BNC2: variants seen among roughly 807,000 people sequenced by gnomAD.
BNC2 encodes zinc finger protein basonuclin-2.
In BNC2, 20 loss-of-function variants were observed where a neutral mutation model predicts 76.3. That is an observed-to-expected ratio of 0.26 (90% CI 0.18 to 0.38). BNC2 has a LOEUF of 0.38. Among genes scored for constraint, BNC2 ranks in the 10% least tolerant of loss-of-function variants. BNC2 has a pLI of 1.00. For synonymous variants in BNC2, 582 were observed against 514.8 expected (o/e 1.13, Z -1.77); for missense variants, 1,382 against 1,399.8 (o/e 0.99, Z 0.20).
In BNC2 at chr9:16,617,124, G is replaced by A. The variant is rs149597917; in HGVS notation, c.331-34039C>T. ...TTGAGAACACAGAAATTGATATGGG[G>A]TCATGATCATCATCGATAAACGTAA... On this transcript the variant is annotated intron_variant, in intron 3 of 6. Transcript: ENST00000380672. 2.1e-3 allele frequency among the ~76,000 whole-genome samples: 318 copies of A among 152,200 alleles called. 2 individuals are homozygous for A. Among genetic ancestry groups the A allele is most frequent in the African/African-American group, 7.3e-3 (305 of 41,544 alleles).
intron 3 of BNC2, among the ~76,000 whole-genome samples, chr9:16,615,399 C>G (rs140594352): frequency 2.0e-5 from 3 of 152,254 alleles, no homozygotes; most frequent in African/African-American, 7.2e-5. Context: ...TGCAAGGACT[C>G]TCTGACATTT....
At chr9:16,870,587 C>CG (rs965834273) in intron 1 of BNC2, 59 bp downstream of exon 1, 2 of 1,595,924 alleles carry the variant, frequency 1.3e-6, no homozygotes, top group Non-Finnish European at 1.7e-6. Flanking sequence ...CGCTCGGGCG[C>CG]GGGGGTCATT....
At chr9:16,833,626 G>A (rs1301191007) in intron 1 of BNC2, among the ~76,000 whole-genome samples, 2 of 152,150 alleles carry the variant, frequency 1.3e-5, no homozygotes, top group African/African-American at 4.8e-5. Context: ...CACATGCTGG[G>A]AATTGCTGGT....
At chr9:16,654,317 A>G (rs140588703) in intron 3 of BNC2, among the ~76,000 whole-genome samples, 51 of 152,338 alleles carry the variant, frequency 3.3e-4, no homozygotes, top group African/African-American at 7.9e-4. Context: ...AGGGCATAAC[A>G]TAAGCATTAT....
chr9:16,478,952 GAA>G (rs758661523), intron 5 of BNC2, among the ~76,000 whole-genome samples: 3 of 152,086 alleles, frequency 2.0e-5, no homozygotes, highest in Non-Finnish European at 4.4e-5. Context: ...CTCCAAAAAA[GAA>G]AAACTTGGTG....
chr9:16,594,932 T>C (rs556825346), intron 3 of BNC2, among the ~76,000 whole-genome samples: 1 of 152,202 alleles, frequency 6.6e-6, no homozygotes, highest in South Asian at 2.1e-4. Flanking sequence ...AAATAGGAGA[T>C]GTGAACAAAA....
chr9:16,689,163 CAAAAAA>C (rs58620248), intron 3 of BNC2, among the ~76,000 whole-genome samples: 4 of 50,494 alleles, frequency 7.9e-5, no homozygotes, highest in East Asian at 6.0e-4. Flanking sequence ...ACTGAGATCA[CAAAAAA>C]AAAAAAAAAA....
At chr9:16,870,625 A>C in intron 1 of BNC2, 21 bp downstream of exon 1, 1 of 1,610,436 alleles carries the variant, frequency 6.2e-7, no homozygotes, top group Non-Finnish European at 8.5e-7. Context: ...TAAAAGAGGA[A>C]GGAGGGTGGA....
At chr9:16,690,801 T>C (rs1823136188) in intron 3 of BNC2, among the ~76,000 whole-genome samples, 1 of 152,116 alleles carries the variant, frequency 6.6e-6, no homozygotes, top group Non-Finnish European at 1.5e-5. Flanking sequence ...AATCAGTATG[T>C]GATTCTGTTA....
At chr9:16,474,281 T>C (rs1298993541) in intron 5 of BNC2, among the ~76,000 whole-genome samples, 1 of 152,196 alleles carries the variant, frequency 6.6e-6, no homozygotes, top group Non-Finnish European at 1.5e-5. Flanking sequence ...TCACTATATG[T>C]TGTTTTTTAA....
intron 2 of BNC2, among the ~76,000 whole-genome samples, chr9:16,731,101 A>C (rs1374568191): frequency 6.6e-6 from 1 of 152,238 alleles, no homozygotes; most frequent in African/African-American, 2.4e-5. Context: ...GTATCGTTTT[A>C]CAGACACAGG....
At chr9:16,482,416 T>A (rs1181182138) in intron 5 of BNC2, among the ~76,000 whole-genome samples, 1 of 151,730 alleles carries the variant, frequency 6.6e-6, no homozygotes, top group East Asian at 1.9e-4. Context: ...TTTAAAAAAA[T>A]GCTATAAATA....
intron 5 of BNC2, among the ~76,000 whole-genome samples, chr9:16,469,331 G>T (rs1821768349): frequency 6.6e-6 from 1 of 152,168 alleles, no homozygotes; most frequent in African/African-American, 2.4e-5. Flanking sequence ...AATCATGGGG[G>T]CTGGTCTTTC....
chr9:16,793,854 G>GGTTT (rs1563946166), intron 1 of BNC2, among the ~76,000 whole-genome samples: 2 of 85,588 alleles, frequency 2.3e-5, no homozygotes, highest in African/African-American at 6.4e-5. Context: ...GTTTTTTGTG[G>GGTTT]TTTTTGTTTT....
chr9:16,753,279 T>C (rs150394357), intron 1 of BNC2, among the ~76,000 whole-genome samples: 173 of 152,350 alleles, frequency 1.1e-3, no homozygotes, highest in African/African-American at 4.1e-3. Context: ...ATAAATTTGA[T>C]TTACAAATTC....
Position 16,435,818 on chromosome 9 carries a change from T to A in BNC2, c.2376A>T (p.Gly792=). ...TYDMFYMSQY[G]LYNGGGASMA... is the part of the protein sequence containing the mutation. Reference sequence around the variant, plus strand: ...TGCTGGCACCCCCACCATTGTACAGTCCATACTGGCTCATGTAAAACATGT... The same window carrying A: ...TGCTGGCACCCCCACCATTGTACAGACCATACTGGCTCATGTAAAACATGT... The change falls in exon 6 of 7, where the codon GGA becomes GGT. Residue 792 remains glycine, a synonymous_variant. Transcript: ENST00000380672. 1 of 1,614,162 alleles carries A rather than the reference T, an allele frequency of 6.2e-7. No homozygotes were observed. Among genetic ancestry groups the A allele is most frequent in the Non-Finnish European group, 8.5e-7 (1 of 1,180,022 alleles).
At chr9:16,701,075 G>A (rs1022391724) in intron 3 of BNC2, among the ~76,000 whole-genome samples, 6 of 152,148 alleles carry the variant, frequency 3.9e-5, no homozygotes, top group African/African-American at 1.2e-4. Flanking sequence ...CCCATTTTCT[G>A]GGGTGTGGAG....
At chr9:16,540,371 T>C (rs1348789242) in intron 5 of BNC2, among the ~76,000 whole-genome samples, 2 of 152,086 alleles carry the variant, frequency 1.3e-5, no homozygotes. Context: ...GCTTCAAACT[T>C]TCCATTAATC....
At chr9:16,601,453 G>A (rs1310722831) in intron 3 of BNC2, among the ~76,000 whole-genome samples, 1 of 152,160 alleles carries the variant, frequency 6.6e-6, no homozygotes, top group African/African-American at 2.4e-5. Flanking sequence ...AGGGGTAAAG[G>A]GAAATCCCAA....
Sources: allele counts gnomAD v4.1 joint callset (sites outside exome capture counted in the v4.1 genomes callset), GRCh38; gene constraint gnomAD v4.1.1; transcripts MANE v1.5; gene names NCBI Gene and HGNC (gene_info 2026-07-23, HGNC 2026-07-21).